Variants in RPRD2 observed in about 807,000 individuals in gnomAD.
RPRD2 encodes regulation of nuclear pre-mRNA domain containing 2.
A neutral mutation model predicts 104.4 loss-of-function variants in RPRD2; 12 were observed. That is an observed-to-expected ratio of 0.11 (90% CI 0.07 to 0.19). The LOEUF is 0.19. RPRD2 is among the 10% of genes least tolerant of loss of function. RPRD2 has a pLI of 1.00. For missense variants in RPRD2, 1,543 were observed against 1,790.1 expected, an observed-to-expected ratio of 0.86 and a Z score of 2.49; for synonymous variants, 714 against 684.9, an observed-to-expected ratio of 1.04 and a Z score of -0.66.
At chr1:150,376,795 C>A (rs762086063) in intron 1 of RPRD2, among the ~76,000 whole-genome samples, 4 of 151,396 alleles carry the variant, frequency 2.6e-5, no homozygotes, top group Non-Finnish European at 4.4e-5. Flanking sequence ...CCACCGCGCC[C>A]GGCCGATACA....
At chr1:150,436,130 G>GAAAA (rs587754906) in intron 2 of RPRD2, among the ~76,000 whole-genome samples, 1 of 129,652 alleles carries the variant, frequency 7.7e-6, no homozygotes, top group African/African-American at 2.9e-5. Flanking sequence ...CTTGTTCAGG[G>GAAAA]AAAAAAAAAA....
Position 150,384,495 on chromosome 1 carries a change from G to T in RPRD2, c.205+19576G>T, listed in dbSNP as rs188503355. 4.3e-3 allele frequency among the ~76,000 whole-genome samples: 570 copies of T among 131,412 alleles called. 7 individuals are homozygous for T. Among genetic ancestry groups the T allele is most frequent in the African/African-American group, 0.015 (534 of 35,432 alleles). 86.2% of individuals were successfully genotyped at this position (131,412 alleles called of 152,430 possible). A position where few individuals can be genotyped will look rare whatever the true frequency, so the allele number is the denominator to read the frequency against. On this transcript the variant is annotated intron_variant, in intron 1 of 10. Coordinates refer to ENST00000369068, the MANE Select transcript of RPRD2 (RefSeq NM_015203.5). ...TTATTATTATTATTATTATTATTAG[G>T]GATGGAGCTCTTGTTGCCCAGGCTG...
At chr1:150,415,476 A>G (rs781877383) in intron 1 of RPRD2, among the ~76,000 whole-genome samples, 9 of 152,084 alleles carry the variant, frequency 5.9e-5, no homozygotes, top group Non-Finnish European at 8.8e-5. Context: ...TGAGCCCAGG[A>G]GTACAGGACC....
At chr1:150,434,335 G>A (rs1209058862) in intron 2 of RPRD2, among the ~76,000 whole-genome samples, 1 of 152,122 alleles carries the variant, frequency 6.6e-6, no homozygotes, top group African/African-American at 2.4e-5. Context: ...CAGCCTGGGC[G>A]GCAGAGCAAG....
chr1:150,394,045 T>A (rs905099037), intron 1 of RPRD2, among the ~76,000 whole-genome samples: 2 of 152,106 alleles, frequency 1.3e-5, no homozygotes, highest in African/African-American at 4.8e-5. Context: ...GTTGTTGTTG[T>A]TTTCTTCTCT....
chr1:150,400,887 A>ATTT (rs1662935384), intron 1 of RPRD2, among the ~76,000 whole-genome samples: 2 of 149,578 alleles, frequency 1.3e-5, no homozygotes, highest in Non-Finnish European at 3.0e-5. Context: ...TTTTTTTTTA[A>ATTT]AAAAAAGAGG....
Position 150,473,392 on chromosome 1 carries a change from G to A in RPRD2, c.*58G>A. 6.9e-7 allele frequency: 1 copy of A among 1,457,346 alleles called. No homozygotes were observed. The highest frequency in any genetic ancestry group is 1.5e-5 in the South Asian group (1 of 65,984). 90.3% of individuals were successfully genotyped at this position (1,457,346 alleles called of 1,614,324 possible). Reference sequence around the variant, plus strand: ...TAGAGAACATTGGAAGTAGGAGTTTGGTTTATTGTTGTTGTTTTTATTTGT... The same window carrying A: ...TAGAGAACATTGGAAGTAGGAGTTTAGTTTATTGTTGTTGTTTTTATTTGT... On this transcript the variant is annotated 3_prime_UTR_variant, in exon 11 of 11. Coordinates refer to ENST00000369068, the MANE Select transcript of RPRD2 (RefSeq NM_015203.5).
intron 1 of RPRD2, among the ~76,000 whole-genome samples, chr1:150,365,592 T>G (rs186804787): frequency 1.2e-3 from 179 of 152,130 alleles, no homozygotes; most frequent in African/African-American, 4.1e-3. Context: ...GCGTGTCCAG[T>G]TCCTCTTTTT....
intron 10 of RPRD2, among the ~76,000 whole-genome samples, chr1:150,465,986 CTGGA>C (rs1668238767): frequency 2.2e-5 from 3 of 134,588 alleles, no homozygotes; most frequent in South Asian, 4.4e-4. Context: ...GCACTCCAGC[CTGGA>C]CGACAGAGCA....
intron 1 of RPRD2, among the ~76,000 whole-genome samples, chr1:150,405,258 T>C (rs1663374956): frequency 6.6e-6 from 1 of 152,206 alleles, no homozygotes; most frequent in East Asian, 1.9e-4. Context: ...CTTATGAATG[T>C]TAACATACTA....
intron 1 of RPRD2, among the ~76,000 whole-genome samples, chr1:150,380,725 G>A (rs1301352554): frequency 6.6e-6 from 1 of 151,368 alleles, no homozygotes; most frequent in East Asian, 2.0e-4. Context: ...CGTGCTGTCG[G>A]CTCACTGCAA....
intron 9 of RPRD2, among the ~76,000 whole-genome samples, chr1:150,464,147 T>A (rs1485641213): frequency 6.6e-6 from 1 of 152,004 alleles, no homozygotes; most frequent in East Asian, 1.9e-4. Context: ...GTAGCTGGGA[T>A]TACAGGCGCC....
chr1:150,371,315 A>G (rs963795851), intron 1 of RPRD2, among the ~76,000 whole-genome samples: 18 of 152,214 alleles, frequency 1.2e-4, no homozygotes, highest in Non-Finnish European at 2.5e-4. Flanking sequence ...AGGTATTATT[A>G]TGATCTCCAT....
intron 2 of RPRD2, among the ~76,000 whole-genome samples, chr1:150,434,059 T>C (rs782445297): frequency 7.2e-5 from 11 of 152,034 alleles, no homozygotes; most frequent in Non-Finnish European, 1.5e-4. Flanking sequence ...AGCAGTAAAA[T>C]ACATGAAATA....
intron 2 of RPRD2, among the ~76,000 whole-genome samples, chr1:150,435,781 G>C (rs1408394364): frequency 2.0e-5 from 3 of 152,226 alleles, no homozygotes; most frequent in Non-Finnish European, 4.4e-5. Flanking sequence ...CTTCAGCTAG[G>C]ATCACTCATG....
In RPRD2 at chr1:150,472,634, G is replaced by A. The variant is rs1029198002; in HGVS notation, c.3686G>A (p.Arg1229Gln). The A allele has an allele frequency of 1.3e-5, 21 of 1,613,766 alleles. No individual in the cohort carries two copies. Among genetic ancestry groups the A allele is most frequent in the Admixed American group, 3.3e-5 (2 of 60,002 alleles). Residue 1229 changes from arginine (R) to glutamine (Q), a missense_variant, in exon 11 of 11, where the codon CGA becomes CAA. By Grantham distance (43) the Arg-to-Gln change is conservative. Transcript: ENST00000369068. ...PPKDHGGIFS[R>Q]DAPTHLPSVD... ...AAGGATCATGGTGGTATCTTCTCTC[G>A]AGATGCACCCACTCATCTACCCTCT...
chr1:150,386,629 G>A (rs947856828), intron 1 of RPRD2, among the ~76,000 whole-genome samples: 2 of 152,080 alleles, frequency 1.3e-5, no homozygotes, highest in Admixed American at 6.6e-5. Context: ...AACATCACTA[G>A]TGGCACTTTG....
rs1260398246 is a variant in RPRD2 at position 150,471,586 on chromosome 1, G to C, written c.2638G>C (p.Ala880Pro). ...QPILSSYSHRAQEFGVKSAFP... is the reference protein window; with the variant it reads ...QPILSSYSHRPQEFGVKSAFP... Reference sequence around the variant, plus strand: ...AATTCTGTCCAGTTATAGCCACAGAGCCCAAGAATTTGGGGTAAAGTCTGC... The same window carrying C: ...AATTCTGTCCAGTTATAGCCACAGACCCCAAGAATTTGGGGTAAAGTCTGC... The change falls in exon 11 of 11, where the codon GCC (alanine) becomes CCC (proline). Residue 880 changes from alanine (A) to proline (P), a missense_variant. Physicochemically the swap from Ala to Pro is conservative, Grantham distance 27 (BLOSUM62 -1). Coordinates refer to ENST00000369068, the MANE Select transcript of RPRD2 (RefSeq NM_015203.5). The surrounding 1 kb of genome is among the most constrained non-coding windows in gnomAD (Gnocchi z 5.3). 6.2e-7 allele frequency: 1 copy of C among 1,613,764 alleles called. No homozygotes were observed. Among genetic ancestry groups the C allele is most frequent in the Admixed American group, 1.7e-5 (1 of 59,966 alleles).
chr1:150,404,961 T>C (rs1663352656), intron 1 of RPRD2, among the ~76,000 whole-genome samples: 1 of 152,226 alleles, frequency 6.6e-6, no homozygotes, highest in Non-Finnish European at 1.5e-5. Flanking sequence ...TTCTTACCTA[T>C]TATAGCATGT....
Sources: allele counts gnomAD v4.1 joint callset (sites outside exome capture counted in the v4.1 genomes callset), GRCh38; gene constraint gnomAD v4.1.1; non-coding constraint Gnocchi (gnomAD v3.1); transcripts MANE v1.5; gene names NCBI Gene and HGNC (gene_info 2026-07-23, HGNC 2026-07-21).